Variants in SLC35G2 observed in about 807,000 individuals in gnomAD.
The protein encoded by SLC35G2 is transmembrane protein 22.
Under a neutral mutation model 27.2 loss-of-function variants are expected in SLC35G2, and 20 were observed. The observed-to-expected ratio is 0.74, with a 90% CI of 0.52 to 1.07. The LOEUF (loss-of-function observed/expected upper bound fraction) is 1.07, where lower values mean the gene tolerates loss of function less well. SLC35G2 is among the 50% of genes least tolerant of loss of function. The pLI is 0.00. For missense variants in SLC35G2, 416 were observed against 493.3 expected (o/e 0.84, Z 1.48); for synonymous variants, 148 against 165.3 (o/e 0.90, Z 0.80).
At chr3:136,854,277 C>T (rs1475523018) in intron 1 of SLC35G2, among the ~76,000 whole-genome samples, 166 bp from the exon 2 acceptor site, 1 of 151,992 alleles carries the variant, frequency 6.6e-6, no homozygotes, top group East Asian at 1.9e-4. Context: ...CCAGTAGGTA[C>T]CATACATCTG....
At chr3:136,822,112 A>C (rs1936472314) in intron 1 of SLC35G2, among the ~76,000 whole-genome samples, 2 of 152,202 alleles carry the variant, frequency 1.3e-5, no homozygotes, top group African/African-American at 2.4e-5. Context: ...TTTTATAAAC[A>C]ATCCAGCTGT....
intron 1 of SLC35G2, among the ~76,000 whole-genome samples, chr3:136,822,226 A>G (rs1356936868): frequency 6.6e-6 from 1 of 152,062 alleles, no homozygotes; most frequent in Non-Finnish European, 1.5e-5. Context: ...TACTTTTTGT[A>G]TCCATTAACC....
At chr3:136,840,857 A>G (rs1229045005) in intron 1 of SLC35G2, among the ~76,000 whole-genome samples, 1 of 150,390 alleles carries the variant, frequency 6.6e-6, no homozygotes, top group African/African-American at 2.4e-5. Flanking sequence ...TCCTGACCTC[A>G]GGTGATCTGC....
At chr3:136,850,259 T>C (rs866236075) in intron 1 of SLC35G2, among the ~76,000 whole-genome samples, 59 of 152,320 alleles carry the variant, frequency 3.9e-4, no homozygotes, top group African/African-American at 1.3e-3. Context: ...CACCGCAGAA[T>C]GTCAATTGCC....
At chr3:136,826,289 G>A (rs111980570) in intron 1 of SLC35G2, among the ~76,000 whole-genome samples, 2 of 151,200 alleles carry the variant, frequency 1.3e-5, no homozygotes, top group African/African-American at 2.4e-5. Context: ...CGCCTGTCTC[G>A]GCCTCCCAAA....
Position 136,855,273 on chromosome 3 carries a change from A to T in SLC35G2, c.813A>T (p.Ser271=). ...TGGCTGGACTGACCACTGCTCTCTC[A>T]ATGATAGTATACAGATCCATCAAGG... is the stretch of plus-strand genomic sequence containing the variant. ...TVMAGLTTAL[S]MIVYRSIKEK... The change falls in exon 2 of 2, where the codon TCA becomes TCT. Residue 271 remains serine (S), a synonymous_variant. Coordinates refer to ENST00000446465, the MANE Select transcript of SLC35G2 (RefSeq NM_025246.3). 1 of 1,613,998 alleles carries T rather than the reference A, an allele frequency of 6.2e-7. No homozygotes were observed.
At position 136,855,595 on chromosome 3, in the gene SLC35G2, G is replaced by T. The variant is rs771035790; in HGVS notation, c.1135G>T (p.Val379Leu). ...TAGCATCTATGATGTTTTTGGAGGG[G>T]TAATCATTATGATTAGTGTTTTTGT... ...FPSIYDVFGGVIIMISVFVLA... is the reference protein window; with the variant it reads ...FPSIYDVFGGLIIMISVFVLA... The change falls in exon 2 of 2, where the codon GTA becomes TTA. Residue 379 changes from valine to leucine, a missense_variant. Physicochemically the swap from Val to Leu is conservative, Grantham distance 32. Transcript: ENST00000446465. 47 of 1,614,068 alleles carry T rather than the reference G, an allele frequency of 2.9e-5. No individual in the cohort carries two copies. In the South Asian group the frequency reaches 4.5e-4, roughly 15 times the overall value.
intron 1 of SLC35G2, among the ~76,000 whole-genome samples, chr3:136,832,113 A>G (rs1023155136): frequency 6.6e-6 from 1 of 151,818 alleles, no homozygotes; most frequent in South Asian, 2.1e-4. Context: ...TCCCGGGTTC[A>G]TGCCATTCTC....
intron 1 of SLC35G2, among the ~76,000 whole-genome samples, chr3:136,821,799 TGCTGTA>T (rs1490656215): frequency 6.6e-6 from 1 of 152,236 alleles, no homozygotes; most frequent in Non-Finnish European, 1.5e-5. Context: ...ATAGGTGCAA[TGCTGTA>T]TAGCAGATCT....
In SLC35G2 at chr3:136,855,632, A is replaced by G. The variant is rs775717216; in HGVS notation, c.1172A>G (p.Tyr391Cys). Residue 391 changes from tyrosine (Y) to cysteine (C), a missense_variant, in exon 2 of 2, where the codon TAT becomes TGT. Transcript: ENST00000446465. ...IMISVFVLAGYKLYWRNLRKQ... is the reference protein window; with the variant it reads ...IMISVFVLAGCKLYWRNLRKQ... ...ATTAGTGTTTTTGTCCTTGCTGGCT[A>G]TAAACTTTACTGGAGGAATTTAAGA... 7 of 1,613,680 alleles carry G rather than the reference A, an allele frequency of 4.3e-6. No homozygotes were observed. Among genetic ancestry groups the G allele is most frequent in the East Asian group, 2.2e-5 (1 of 44,882 alleles).
chr3:136,848,174 C>T (rs1056345414), intron 1 of SLC35G2, among the ~76,000 whole-genome samples: 1 of 152,188 alleles, frequency 6.6e-6, no homozygotes, highest in Non-Finnish European at 1.5e-5. Flanking sequence ...TAAGTCAGGC[C>T]TACCCAGGAT....
chr3:136,836,748 C>G (rs1936882544), intron 1 of SLC35G2, among the ~76,000 whole-genome samples: 1 of 152,156 alleles, frequency 6.6e-6, no homozygotes, highest in African/African-American at 2.4e-5. Context: ...ACAGCCAGCA[C>G]CACCAGTGCT....
At chr3:136,829,568 T>G (rs1936672632) in intron 1 of SLC35G2, among the ~76,000 whole-genome samples, 1 of 152,184 alleles carries the variant, frequency 6.6e-6, no homozygotes, top group Admixed American at 6.5e-5. Flanking sequence ...TCTTTCAGAT[T>G]GAAGAACTCC....
intron 1 of SLC35G2, among the ~76,000 whole-genome samples, chr3:136,847,248 T>C (rs1937425714): frequency 6.6e-6 from 1 of 152,120 alleles, no homozygotes; most frequent in African/African-American, 2.4e-5. Flanking sequence ...TGAATACTGT[T>C]AGTTCCTGCC....
At position 136,854,206 on chromosome 3, in the gene SLC35G2, CAAGT is replaced by C. The variant is rs1280547919; in HGVS notation, c.-18-233_-18-230del. Among the ~76,000 whole-genome samples, 5 of 152,186 alleles carry C rather than the reference CAAGT, an allele frequency of 3.3e-5. No individual in the cohort carries two copies. The East Asian group carries it at 9.7e-4, about 29-fold the overall frequency. The stretch of plus-strand genomic sequence containing the variant: ...AGATAGAAGATAGAGCTGAATTAAA[CAAGT>C]AAGCAAAGAGAAATGGAGACAGACT... On this transcript the variant is annotated intron_variant, in intron 1 of 1. Transcript: ENST00000446465.
intron 1 of SLC35G2, among the ~76,000 whole-genome samples, chr3:136,826,410 A>C (rs1043122725): frequency 1.6e-4 from 25 of 152,102 alleles, no homozygotes; most frequent in African/African-American, 5.6e-4. Context: ...AACATACAAA[A>C]ATCAGTAGTA....
chr3:136,854,690 C>G lies in SLC35G2; in HGVS notation c.230C>G (p.Pro77Arg). ...TTTGGAACCATGGATACCCTACCTC[C>G]ACCAACAGAAGACCCAATGATCAAT... is the stretch of plus-strand genomic sequence containing the variant. Reference protein sequence around the residue: ...AFFGTMDTLPPPTEDPMINEI... With the variant: ...AFFGTMDTLPRPTEDPMINEI... Residue 77 changes from proline (P) to arginine (R), a missense_variant, in exon 2 of 2, where the codon CCA (proline) becomes CGA (arginine). Pro to Arg is a moderately radical substitution (Grantham distance 103). Coordinates refer to ENST00000446465, the MANE Select transcript of SLC35G2 (RefSeq NM_025246.3). 3 of 1,614,094 alleles carry G rather than the reference C, an allele frequency of 1.9e-6. No individual in the cohort carries two copies.
chr3:136,830,712 C>G (rs1936710075), intron 1 of SLC35G2, among the ~76,000 whole-genome samples: 1 of 152,182 alleles, frequency 6.6e-6, no homozygotes, highest in African/African-American at 2.4e-5. Flanking sequence ...CTGTACACAG[C>G]CCACATCATT....
At chr3:136,851,544 G>A (rs1174804373) in intron 1 of SLC35G2, among the ~76,000 whole-genome samples, 3 of 148,376 alleles carry the variant, frequency 2.0e-5, no homozygotes, top group Non-Finnish European at 4.5e-5. Flanking sequence ...TTACAAAGTT[G>A]GAGCAGAAGG....
Sources: gnomAD v4.1 joint callset for allele counts (sites outside exome capture counted in the v4.1 genomes callset) on GRCh38, gnomAD v4.1.1 for gene constraint, MANE v1.5 for transcripts, NCBI Gene and HGNC (gene_info 2026-07-23, HGNC 2026-07-21) for gene names.